METAP1D: variants seen among roughly 807,000 people sequenced by gnomAD.
The protein encoded by METAP1D is methionyl aminopeptidase type 1D, mitochondrial, also known as methionine aminopeptidase 1D, mitochondrial.
METAP1D carries 31 observed loss-of-function variants against 40.5 expected under a neutral mutation model. The ratio of observed to expected loss-of-function variants is 0.77; its 90% CI spans 0.58 to 1.03. The LOEUF (loss-of-function observed/expected upper bound fraction) is 1.03. Among genes scored for constraint, METAP1D ranks in the 50% least tolerant of loss-of-function variants. METAP1D has a pLI of 0.00. For synonymous variants in METAP1D, 151 were observed against 146.4 expected (o/e 1.03, Z -0.22); for missense variants, 411 against 420.7 (o/e 0.98, Z 0.20).
chr2:172,077,236 A>G (rs1341607565), intron 6 of METAP1D, among the ~76,000 whole-genome samples: 1 of 152,248 alleles, frequency 6.6e-6, no homozygotes, highest in Non-Finnish European at 1.5e-5. Context: ...TATTTCAAGA[A>G]TATTGACAAA....
chr2:172,061,121 T>A (rs925393568), intron 1 of METAP1D, among the ~76,000 whole-genome samples: 1 of 152,202 alleles, frequency 6.6e-6, no homozygotes. Context: ...GAAACGGCTT[T>A]ACAGAGTATA....
intron 1 of METAP1D, among the ~76,000 whole-genome samples, chr2:172,018,958 A>T (rs1438995835): frequency 6.6e-6 from 1 of 152,186 alleles, no homozygotes; most frequent in Non-Finnish European, 1.5e-5. Context: ...TCATGAGTCC[A>T]CTGAGGGTTT....
rs1218245757 is a variant in METAP1D at position 172,065,726 on chromosome 2, C to T, written c.471C>T (p.Asn157=). 4.3e-6 allele frequency: 7 copies of T among 1,613,836 alleles called. No individual in the cohort carries two copies. The highest frequency in any genetic ancestry group is 2.2e-5 in the East Asian group (1 of 44,844). The change falls in exon 4 of 10, where the codon AAC becomes AAT. Residue 157 remains asparagine, a synonymous_variant. Transcript: ENST00000315796. ...AATCTGTTTGTACCTCTGTAAACAA[C>T]GTGCTCTGTCATGGTATTCCTGACA... is the stretch of plus-strand genomic sequence containing the variant. ...FPKSVCTSVN[N]VLCHGIPDSR... is the part of the protein sequence containing the mutation.
At chr2:172,011,034 C>T (rs1182984402) in intron 1 of METAP1D, among the ~76,000 whole-genome samples, 1 of 152,080 alleles carries the variant, frequency 6.6e-6, no homozygotes, top group Non-Finnish European at 1.5e-5. Context: ...GGATTACAGG[C>T]GTGAGCCACC....
chr2:172,040,178 G>A (rs1021021997), intron 1 of METAP1D, among the ~76,000 whole-genome samples: 11 of 151,546 alleles, frequency 7.3e-5, no homozygotes, highest in Non-Finnish European at 1.0e-4. Flanking sequence ...GGCTGGTCTC[G>A]AACTCCTGAC....
chr2:172,012,814 C>A (rs1688762322), intron 1 of METAP1D, among the ~76,000 whole-genome samples: 2 of 152,262 alleles, frequency 1.3e-5, no homozygotes, highest in Non-Finnish European at 2.9e-5. Flanking sequence ...ATTAATCATT[C>A]CTGACCTTGA....
At chr2:172,047,635 T>C (rs1262505615) in intron 1 of METAP1D, among the ~76,000 whole-genome samples, 1 of 152,292 alleles carries the variant, frequency 6.6e-6, no homozygotes, top group African/African-American at 2.4e-5. Flanking sequence ...GGTTTCACCA[T>C]GTTGCCCCAG....
intron 1 of METAP1D, among the ~76,000 whole-genome samples, chr2:172,036,811 C>G (rs1574110226): frequency 6.6e-6 from 1 of 152,200 alleles, no homozygotes; most frequent in East Asian, 1.9e-4. Flanking sequence ...CCAGTTGACT[C>G]TCCAGCAGTA....
At chr2:172,022,179 C>T (rs1036507886) in intron 1 of METAP1D, among the ~76,000 whole-genome samples, 1 of 152,126 alleles carries the variant, frequency 6.6e-6, no homozygotes, top group African/African-American at 2.4e-5. Context: ...CCCACCCTGC[C>T]CCCATGCAGA....
intron 6 of METAP1D, among the ~76,000 whole-genome samples, chr2:172,075,319 A>G (rs1690515314): frequency 6.6e-6 from 1 of 152,228 alleles, no homozygotes; most frequent in Non-Finnish European, 1.5e-5. Flanking sequence ...AATTCTTTTC[A>G]GTAGGTTTCA....
At chr2:172,042,198 C>T (rs376179174) in intron 1 of METAP1D, among the ~76,000 whole-genome samples, 5,337 of 17,672 alleles carry the variant, frequency 0.3, 1,447 homozygotes, top group East Asian at 0.88. Flanking sequence ...CATGTGTACA[C>T]ATATACATAT....
intron 1 of METAP1D, among the ~76,000 whole-genome samples, chr2:172,027,743 A>C (rs1426041572): frequency 1.3e-5 from 2 of 152,222 alleles, no homozygotes; most frequent in Non-Finnish European, 2.9e-5. Flanking sequence ...GTTTGTGCTA[A>C]AGTTTGCATG....
At chr2:172,038,955 A>C (rs980631223) in intron 1 of METAP1D, among the ~76,000 whole-genome samples, 6 of 152,348 alleles carry the variant, frequency 3.9e-5, no homozygotes, top group Non-Finnish European at 7.3e-5. Flanking sequence ...AGTTGGGAGC[A>C]GGGTGGATTT....
chr2:172,028,193 G>A (rs1314164796), intron 1 of METAP1D, among the ~76,000 whole-genome samples: 1 of 152,186 alleles, frequency 6.6e-6, no homozygotes, highest in East Asian at 1.9e-4. Flanking sequence ...GTCCCAGAAG[G>A]CCTGCTGATG....
At chr2:172,006,669 T>C (rs1411130881) in intron 1 of METAP1D, among the ~76,000 whole-genome samples, 1 of 152,204 alleles carries the variant, frequency 6.6e-6, no homozygotes, top group East Asian at 1.9e-4. Context: ...GACTGAATTT[T>C]CTTTTTTAGC....
intron 1 of METAP1D, among the ~76,000 whole-genome samples, chr2:172,043,497 A>G (rs2105444661): frequency 7.4e-6 from 1 of 134,776 alleles, no homozygotes; most frequent in African/African-American, 2.5e-5. Flanking sequence ...GATTTTTGAT[A>G]CATGAAAGAA....
At chr2:172,015,143 T>A (rs1425250827) in intron 1 of METAP1D, among the ~76,000 whole-genome samples, 2 of 152,238 alleles carry the variant, frequency 1.3e-5, no homozygotes, top group Non-Finnish European at 2.9e-5. Flanking sequence ...TCTAGAAATC[T>A]ATATTTAGAA....
At chr2:172,051,602 C>T (rs757259391) in intron 1 of METAP1D, among the ~76,000 whole-genome samples, 10 of 152,200 alleles carry the variant, frequency 6.6e-5, no homozygotes, top group Non-Finnish European at 1.3e-4. Context: ...GGGAAGGTCA[C>T]GTTTTGCAGT....
chr2:172,073,193 G>A (rs1690462402), intron 6 of METAP1D, among the ~76,000 whole-genome samples: 1 of 152,134 alleles, frequency 6.6e-6, no homozygotes, highest in Non-Finnish European at 1.5e-5. Flanking sequence ...TGGCGGCTGG[G>A]TGCTGACCTT....
Sources: gnomAD v4.1 joint callset for allele counts (sites outside exome capture counted in the v4.1 genomes callset) on GRCh38, gnomAD v4.1.1 for gene constraint, MANE v1.5 for transcripts, NCBI Gene and HGNC (gene_info 2026-07-23, HGNC 2026-07-21) for gene names.